The following ADCY8 variants were observed in gnomAD, a reference collection of about 807,000 sequenced individuals.
ADCY8 encodes adenylate cyclase 8.
ADCY8 carries 51 observed loss-of-function variants against 119.7 expected under a neutral mutation model. That is an observed-to-expected ratio of 0.43 (90% CI 0.34 to 0.54). The LOEUF is 0.54. ADCY8 is among the 20% of genes least tolerant of loss of function. The pLI, the probability that ADCY8 is intolerant of heterozygous loss-of-function variation, is 0.03. For synonymous variants in ADCY8, 665 were observed against 651.0 expected, an observed-to-expected ratio of 1.02 and a Z score of -0.33; for missense variants, 1,383 against 1,598.8, an observed-to-expected ratio of 0.87 and a Z score of 2.30.
chr8:130,876,019 G>T (rs1269161603), intron 8 of ADCY8, among the ~76,000 whole-genome samples: 1 of 152,074 alleles, frequency 6.6e-6, no homozygotes. Context: ...AGCAAACGAA[G>T]CTCATTCAAC....
At chr8:130,955,857 G>A (rs367586048) in intron 2 of ADCY8, among the ~76,000 whole-genome samples, 10 of 152,298 alleles carry the variant, frequency 6.6e-5, no homozygotes, top group East Asian at 5.8e-4. Flanking sequence ...TAAATGTGTA[G>A]AGCCAGGCCG....
chr8:130,882,434 G>T (rs1192477338), intron 8 of ADCY8, among the ~76,000 whole-genome samples: 1 of 151,956 alleles, frequency 6.6e-6, no homozygotes, highest in Non-Finnish European at 1.5e-5. Flanking sequence ...CCCTCTCTGT[G>T]CCTCCCACTG....
intron 2 of ADCY8, among the ~76,000 whole-genome samples, chr8:130,954,656 A>G (rs1821369658): frequency 6.6e-6 from 1 of 152,172 alleles, no homozygotes. Flanking sequence ...GCTCCATAAA[A>G]CAGATTATGT....
intron 15 of ADCY8, among the ~76,000 whole-genome samples, chr8:130,798,426 A>G (rs1815655944): frequency 6.6e-6 from 1 of 152,192 alleles, no homozygotes; most frequent in Admixed American, 6.5e-5. Flanking sequence ...CGAGGATGGC[A>G]TGGCCTCCAG....
At chr8:130,800,331 CA>C (rs3067432) in intron 15 of ADCY8, 94 bp downstream of exon 15, 23,496 of 1,319,940 alleles carry the variant, frequency 0.018, no homozygotes, top group South Asian at 0.045. Flanking sequence ...CCGTTAAGTG[CA>C]AAAAAAAAAA....
intron 2 of ADCY8, among the ~76,000 whole-genome samples, chr8:130,972,582 G>A (rs192510787): frequency 2.6e-5 from 4 of 152,218 alleles, no homozygotes; most frequent in Non-Finnish European, 4.4e-5. Context: ...CTGAAAAATG[G>A]TATTTCTTAA....
chr8:130,885,964 C>T (rs1207901327), intron 7 of ADCY8, among the ~76,000 whole-genome samples: 1 of 151,940 alleles, frequency 6.6e-6, no homozygotes, highest in African/African-American at 2.4e-5. Flanking sequence ...CTTCAGATAT[C>T]GATGAGCCTC....
At chr8:130,923,302 CAAAG>C (rs1002683465) in intron 5 of ADCY8, among the ~76,000 whole-genome samples, 5 of 152,050 alleles carry the variant, frequency 3.3e-5, no homozygotes, top group East Asian at 1.9e-4. Flanking sequence ...TAAAATGTAA[CAAAG>C]AGAGAAATAA....
intron 1 of ADCY8, among the ~76,000 whole-genome samples, chr8:131,030,511 G>T (rs1362539668): frequency 6.6e-6 from 1 of 152,122 alleles, no homozygotes; most frequent in Non-Finnish European, 1.5e-5. Context: ...TCCAAGTCTT[G>T]CATTTGTGTA....
intron 5 of ADCY8, among the ~76,000 whole-genome samples, chr8:130,915,001 G>A (rs1397038210): frequency 1.3e-5 from 2 of 152,178 alleles, no homozygotes; most frequent in African/African-American, 4.8e-5. Context: ...AGAAACCACT[G>A]AGTTGCCTTA....
At chr8:130,980,205 C>A (rs1228236455) in intron 2 of ADCY8, among the ~76,000 whole-genome samples, 2 of 152,090 alleles carry the variant, frequency 1.3e-5, no homozygotes, top group Non-Finnish European at 2.9e-5. Flanking sequence ...ATAAGGATAC[C>A]AGTGATATTG....
rs542197533 is a variant in ADCY8 at position 130,793,832 on chromosome 8, G to A, written c.3060+6594C>T. Reference sequence around the variant, plus strand: ...AAACAAACTTACATTTTATCCCTATGCACTTCTAAAAAGGGTGTGAATACT... The same window carrying A: ...AAACAAACTTACATTTTATCCCTATACACTTCTAAAAAGGGTGTGAATACT... On this transcript the variant is annotated intron_variant, in intron 15 of 17. Transcript: ENST00000286355. Among the ~76,000 whole-genome samples the A allele has an allele frequency of 3.9e-5, 6 of 152,280 alleles. No homozygotes were observed. The East Asian group carries it at 1.2e-3, about 29-fold the overall frequency.
chr8:130,826,822 T>C (rs1230724210), intron 12 of ADCY8, among the ~76,000 whole-genome samples: 2 of 151,834 alleles, frequency 1.3e-5, no homozygotes, highest in African/African-American at 4.8e-5. Flanking sequence ...GCAGAGGTGG[T>C]ATTTGTTGCT....
At chr8:130,854,936 T>C (rs1388701265) in intron 9 of ADCY8, among the ~76,000 whole-genome samples, 1 of 126,390 alleles carries the variant, frequency 7.9e-6, no homozygotes, top group East Asian at 2.5e-4. Context: ...TGCCTCCCCC[T>C]CTCTCTTTCT....
At chr8:130,857,961 T>G (rs1378468673) in intron 9 of ADCY8, among the ~76,000 whole-genome samples, 1 of 152,212 alleles carries the variant, frequency 6.6e-6, no homozygotes, top group African/African-American at 2.4e-5. Context: ...ATATATTTGC[T>G]GGGTTTTGAT....
chr8:131,010,908 T>C (rs140537686), intron 1 of ADCY8, among the ~76,000 whole-genome samples: 96 of 152,360 alleles, frequency 6.3e-4, no homozygotes, highest in African/African-American at 2.2e-3. Context: ...TTGAGAGAGT[T>C]TTTAAAAGCA....
rs374274001 is a variant in ADCY8 at position 130,904,613 on chromosome 8, G to A, written c.1641-571C>T. Among the ~76,000 whole-genome samples the A allele has an allele frequency of 8.5e-5, 13 of 152,178 alleles. No homozygotes were observed. In the East Asian group the frequency reaches 2.3e-3, roughly 27 times the overall value. Reference sequence around the variant, plus strand: ...GGTCCTTTGGGAAAACCACTGTAGGGTACAATTTCCCCTATAACATGTATA... The same window carrying A: ...GGTCCTTTGGGAAAACCACTGTAGGATACAATTTCCCCTATAACATGTATA... On this transcript the variant is annotated intron_variant, in intron 6 of 17. Coordinates refer to ENST00000286355, the MANE Select transcript of ADCY8 (RefSeq NM_001115.3).
chr8:130,899,481 C>T (rs187399876), intron 7 of ADCY8, among the ~76,000 whole-genome samples: 17 of 152,202 alleles, frequency 1.1e-4, no homozygotes, highest in Admixed American at 2.0e-4. Context: ...TGGCACGCGC[C>T]GGTAATCTCA....
chr8:130,782,128 G>C (rs1021215991), intron 17 of ADCY8, among the ~76,000 whole-genome samples: 2 of 152,124 alleles, frequency 1.3e-5, no homozygotes, highest in Admixed American at 1.3e-4. Flanking sequence ...GTTGAGCAGA[G>C]AATATGGTGG....
Sources: allele counts gnomAD v4.1 joint callset (sites outside exome capture counted in the v4.1 genomes callset), GRCh38; gene constraint gnomAD v4.1.1; transcripts MANE v1.5; gene names NCBI Gene and HGNC (gene_info 2026-07-23, HGNC 2026-07-21).